MGA: variants seen among roughly 807,000 people sequenced by gnomAD.
The protein encoded by MGA is MAX gene-associated protein.
Under a neutral mutation model 261.1 loss-of-function variants are expected in MGA, and 40 were observed. The observed-to-expected ratio is 0.15, with a 90% CI of 0.12 to 0.20. MGA has a LOEUF of 0.20. Among genes scored for constraint, MGA ranks in the 10% least tolerant of loss-of-function variants. MGA has a pLI of 1.00. For missense variants in MGA, 3,397 were observed against 3,630.5 expected (o/e 0.94, Z 1.65); for synonymous variants, 1,302 against 1,290.6 (o/e 1.01, Z -0.19).
intron 5 of MGA, among the ~76,000 whole-genome samples, chr15:41,701,181 C>G (rs1291215323): frequency 6.6e-6 from 1 of 151,864 alleles, no homozygotes; most frequent in African/African-American, 2.4e-5. Flanking sequence ...ATCTTTTTTT[C>G]TCCCCTTTTC....
At chr15:41,632,045 CCTTA>C (rs545614662) in intron 1 of MGA, among the ~76,000 whole-genome samples, 2 of 152,146 alleles carry the variant, frequency 1.3e-5, no homozygotes, top group Admixed American at 6.6e-5. Context: ...AGTTCAGACT[CCTTA>C]CTTAGCTTGA....
rs768429627 is a variant in MGA at position 41,711,280 on chromosome 15, A to G, written c.3015A>G (p.Glu1005=). The G allele has an allele frequency of 6.2e-7, 1 of 1,613,978 alleles. No homozygotes were observed. Among genetic ancestry groups the G allele is most frequent in the Admixed American group, 1.7e-5 (1 of 60,018 alleles). The change falls in exon 8 of 24, where the codon GAA becomes GAG. Residue 1005 remains glutamate, a synonymous_variant. Transcript: ENST00000219905. ...ACCTGGAAGACTGTGCACTTTGGGA[A>G]GGAAAACCAAGGACATACATCACAG...
chr15:41,743,157 G>A lies in MGA; in HGVS notation c.5197G>A (p.Val1733Met). The A allele has an allele frequency of 6.2e-7, 1 of 1,609,540 alleles. No individual in the cohort carries two copies. Among genetic ancestry groups the A allele is most frequent in the South Asian group, 1.1e-5 (1 of 90,460 alleles). The change falls in exon 15 of 24, where the codon GTG becomes ATG. Residue 1733 changes from valine (V) to methionine (M), a missense_variant. By Grantham distance (21) the Val-to-Met change is conservative. Transcript: ENST00000219905. Reference sequence around the variant, plus strand: ...CTCAGGAATTAATGGGAGTCCACCAGTGAGCCAGAGACCAGGTAAGGCCTA... The same window carrying A: ...CTCAGGAATTAATGGGAGTCCACCAATGAGCCAGAGACCAGGTAAGGCCTA...
At chr15:41,756,864 G>A (rs1185963048) in intron 18 of MGA, among the ~76,000 whole-genome samples, 1 of 152,070 alleles carries the variant, frequency 6.6e-6, no homozygotes, top group African/African-American at 2.4e-5. Context: ...AAAGTTCTGG[G>A]ATTACAGGCA....
At chr15:41,720,700 G>T (rs549948033) in intron 9 of MGA, among the ~76,000 whole-genome samples, 1 of 152,222 alleles carries the variant, frequency 6.6e-6, no homozygotes, top group African/African-American at 2.4e-5. Context: ...GGGCATGGTG[G>T]TGTGCGCCTG....
intron 2 of MGA, among the ~76,000 whole-genome samples, chr15:41,685,309 T>G (rs2058897455): frequency 6.6e-6 from 1 of 152,196 alleles, no homozygotes; most frequent in African/African-American, 2.4e-5. Context: ...TCTGTTTCAT[T>G]GATTTATTTG....
At chr15:41,739,382 TA>T (rs1480281031) in intron 13 of MGA, among the ~76,000 whole-genome samples, 1 of 152,220 alleles carries the variant, frequency 6.6e-6, no homozygotes, top group Admixed American at 6.5e-5. Flanking sequence ...AACTGTGAGG[TA>T]ATTGTGGCTT....
rs775243810 is a variant in MGA at position 41,762,322 on chromosome 15, G to T, written c.7704G>T (p.Gly2568=). The change falls in exon 22 of 24, where the codon GGG becomes GGT. Residue 2568 remains glycine (G), a synonymous_variant. Transcript: ENST00000219905. ...AGATGTTTATAAATAACAGGAGGGGGAAACCTTTGATTCTTTCCAGAAAAA... is the reference window on the plus strand; with the variant it reads ...AGATGTTTATAAATAACAGGAGGGGTAAACCTTTGATTCTTTCCAGAAAAA... 4.3e-6 allele frequency: 7 copies of T among 1,613,766 alleles called. No homozygotes were observed. The highest frequency in any genetic ancestry group is 4.2e-6 in the Non-Finnish European group (5 of 1,179,844).
chr15:41,696,996 T>C lies in MGA; in HGVS notation c.1986T>C (p.Gly662=). The C allele has an allele frequency of 6.4e-7, 1 of 1,572,626 alleles. No individual in the cohort carries two copies. Among genetic ancestry groups the C allele is most frequent in the Non-Finnish European group, 8.6e-7 (1 of 1,161,886 alleles). Reference sequence around the variant, plus strand: ...AGCCTGATCTGGAAGATGTGGATGGTGTTCTCTTTGTTTCCTTTGAATCAA... The same window carrying C: ...AGCCTGATCTGGAAGATGTGGATGGCGTTCTCTTTGTTTCCTTTGAATCAA... Residue 662 remains glycine (G), a synonymous_variant, in exon 3 of 24, where the codon GGT becomes GGC. Coordinates refer to ENST00000219905, the MANE Select transcript of MGA (RefSeq NM_001164273.2).
rs538034032 is a variant in MGA, at chr15:41,749,245, A to T, written c.5638A>T (p.Ile1880Phe). The change falls in exon 17 of 24, where the codon ATC becomes TTC. Residue 1880 changes from isoleucine (I) to phenylalanine (F), a missense_variant. Coordinates refer to ENST00000219905, the MANE Select transcript of MGA (RefSeq NM_001164273.2). ...TGGGTCTTCTTCAGCAGTGAATGTT[A>T]TCACTCAGGCACCATCATTGCTTTC... 4.3e-6 allele frequency: 7 copies of T among 1,613,888 alleles called. No individual in the cohort carries two copies. Among genetic ancestry groups the T allele is most frequent in the Non-Finnish European group, 5.9e-6 (7 of 1,179,914 alleles).
chr15:41,699,405 G>A (rs1349190567), intron 5 of MGA, among the ~76,000 whole-genome samples: 1 of 152,084 alleles, frequency 6.6e-6, no homozygotes, highest in Non-Finnish European at 1.5e-5. Flanking sequence ...ATGTATCATG[G>A]TAAAGCAAGT....
Position 41,740,297 on chromosome 15 carries a change from T to C in MGA, c.4585+94T>C, listed in dbSNP as rs764569563. 9 of 1,305,938 alleles carry C rather than the reference T, an allele frequency of 6.9e-6. No homozygotes were observed. The African/African-American group carries it at 7.4e-5, about 11-fold the overall frequency. 80.9% of individuals were successfully genotyped at this position (1,305,938 alleles called of 1,614,324 possible). On this transcript the variant is annotated intron_variant, in intron 14 of 23. Transcript: ENST00000219905. Reference sequence around the variant, plus strand: ...GGAGGTTGTAAAAATTAGAGAAATATGTACTTTGGCATTATTCTTATTCTT... The same window carrying C: ...GGAGGTTGTAAAAATTAGAGAAATACGTACTTTGGCATTATTCTTATTCTT...
rs116115611 is a variant in MGA at position 41,652,029 on chromosome 15, G to A, written c.-67-16799G>A. ...TCACCCAGACTGGAGTGCAGTGTGC[G>A]ATGTTGGCTCACTGCAAGCTCCTCC... On this transcript the variant is annotated intron_variant, in intron 1 of 8. Coordinates refer to the MGA transcript ENST00000566718. Among the ~76,000 whole-genome samples, 835 of 113,512 alleles carry A rather than the reference G, an allele frequency of 7.4e-3. 7 individuals carry two copies. Among genetic ancestry groups the A allele is most frequent in the African/African-American group, 0.029 (810 of 28,304 alleles). 74.5% of individuals were successfully genotyped at this position (113,512 alleles called of 152,430 possible). A position where few individuals can be genotyped will look rare whatever the true frequency, so the allele number is the denominator to read the frequency against.
chr15:41,672,844 A>G (rs2058138035), intron 2 of MGA, among the ~76,000 whole-genome samples: 1 of 146,608 alleles, frequency 6.8e-6, no homozygotes. Context: ...AAGGGTTTAA[A>G]AAATTATATA....
intron 2 of MGA, among the ~76,000 whole-genome samples, chr15:41,685,292 A>T (rs2058896390): frequency 6.6e-6 from 1 of 152,216 alleles, no homozygotes; most frequent in South Asian, 2.1e-4. Flanking sequence ...TTTATTTTAT[A>T]CTAAATTCTG....
intron 7 of MGA, among the ~76,000 whole-genome samples, chr15:41,708,802 C>T (rs2060240546): frequency 6.6e-6 from 1 of 152,150 alleles, no homozygotes; most frequent in Admixed American, 6.6e-5. Flanking sequence ...TAGTTTAGAA[C>T]TGTATACTTC....
intron 18 of MGA, 31 bp from the exon 19 acceptor site, chr15:41,757,757 T>G (rs781118062): frequency 1.3e-6 from 2 of 1,576,588 alleles, no homozygotes; most frequent in Admixed American, 1.7e-5. Flanking sequence ...TAAATTTCAG[T>G]AAGACACTGA....
chr15:41,742,801 C>T lies in MGA; in HGVS notation c.4841C>T (p.Pro1614Leu). ...TTAGAAAATACTACTGCTGTGACAC[C>T]TATGACTGCTATTTCTGACGTGGAA... is the stretch of plus-strand genomic sequence containing the variant. The change falls in exon 15 of 24, where the codon CCT becomes CTT. Residue 1614 changes from proline (P) to leucine (L), a missense_variant. Physicochemically the swap from Pro to Leu is moderately conservative, Grantham distance 98 (BLOSUM62 -3). Coordinates refer to ENST00000219905, the MANE Select transcript of MGA (RefSeq NM_001164273.2). 1.9e-6 allele frequency: 3 copies of T among 1,613,926 alleles called. No homozygotes were observed. The highest frequency in any genetic ancestry group is 1.7e-6 in the Non-Finnish European group (2 of 1,179,896).
At chr15:41,623,037 A>T (rs1359375999) in intron 1 of MGA, among the ~76,000 whole-genome samples, 1 of 152,178 alleles carries the variant, frequency 6.6e-6, no homozygotes, top group Non-Finnish European at 1.5e-5. Context: ...TATTTAATTC[A>T]TTTAGTTCTC....
Sources: gnomAD v4.1 joint callset for allele counts (sites outside exome capture counted in the v4.1 genomes callset) on GRCh38, gnomAD v4.1.1 for gene constraint, MANE v1.5 for transcripts, NCBI Gene and HGNC (gene_info 2026-07-23, HGNC 2026-07-21) for gene names.